Variants in GRK4 observed in about 807,000 individuals in gnomAD.
GRK4 encodes the protein G protein-coupled receptor kinase 2-like.
GRK4 carries 73 observed loss-of-function variants against 77.9 expected under a neutral mutation model. The observed-to-expected ratio is 0.94, with a 90% CI of 0.78 to 1.14. GRK4 has a LOEUF of 1.14. Ranked by LOEUF, GRK4 falls within the 50% of genes most tolerant of loss-of-function variation. The probability of loss-of-function intolerance (pLI) is 0.00; values close to 1 mark genes in which losing one functional copy is unlikely to be tolerated. For synonymous variants in GRK4, 257 were observed against 254.4 expected, an observed-to-expected ratio of 1.01 and a Z score of -0.10; for missense variants, 729 against 700.2, an observed-to-expected ratio of 1.04 and a Z score of -0.46.
At chr4:3,031,130 A>T (rs1444610036) in intron 12 of GRK4, among the ~76,000 whole-genome samples, 1 of 152,076 alleles carries the variant, frequency 6.6e-6, no homozygotes, top group East Asian at 1.9e-4. Context: ...GCTGGAGCCA[A>T]GTCCTTGCAG....
At chr4:3,026,116 G>A (rs1008403894) in intron 10 of GRK4, among the ~76,000 whole-genome samples, 1 of 152,282 alleles carries the variant, frequency 6.6e-6, no homozygotes, top group South Asian at 2.1e-4. Flanking sequence ...TTCCTATTTC[G>A]TTGAATGTAT....
chr4:3,029,520 T>C (rs1738545606), intron 12 of GRK4, 111 bp downstream of exon 12: 1 of 840,494 alleles, frequency 1.2e-6, no homozygotes, highest in Non-Finnish European at 1.9e-6. Flanking sequence ...CAAGTCCTGG[T>C]CACCCACCTC....
intron 2 of GRK4, among the ~76,000 whole-genome samples, chr4:2,985,164 G>T (rs971742426): frequency 4.0e-5 from 6 of 151,598 alleles, no homozygotes; most frequent in African/African-American, 1.5e-4. Flanking sequence ...TGTAATCCCG[G>T]CACTTTGGGA....
chr4:3,019,332 G>A (rs1273803826), intron 8 of GRK4, among the ~76,000 whole-genome samples: 2 of 152,174 alleles, frequency 1.3e-5, no homozygotes, highest in African/African-American at 4.8e-5. Flanking sequence ...AGTACAGAAT[G>A]TCAGGGCTCA....
chr4:3,030,261 C>T (rs941281917), intron 12 of GRK4, among the ~76,000 whole-genome samples: 7 of 152,118 alleles, frequency 4.6e-5, no homozygotes, highest in Admixed American at 2.0e-4. Context: ...GAGCCCCAAG[C>T]GGTGGAGACC....
intron 8 of GRK4, among the ~76,000 whole-genome samples, chr4:3,014,331 C>A (rs1249540462): frequency 2.9e-5 from 4 of 137,386 alleles, no homozygotes; most frequent in African/African-American, 1.1e-4. Flanking sequence ...GGGTTTCGCT[C>A]TGTTGTCCAG....
intron 12 of GRK4, among the ~76,000 whole-genome samples, chr4:3,031,847 C>T (rs940245265): frequency 6.6e-6 from 1 of 152,156 alleles, no homozygotes; most frequent in Non-Finnish European, 1.5e-5. Context: ...ACCAAGCAGC[C>T]AGGCATAGGC....
At chr4:3,013,582 T>C (rs919108670) in intron 7 of GRK4, 106 bp from the exon 8 acceptor site, 17 of 1,356,128 alleles carry the variant, frequency 1.3e-5, no homozygotes, top group Non-Finnish European at 1.0e-6. Flanking sequence ...CATGCACTGC[T>C]GCTGGTCTCT....
chr4:2,973,137 T>C (rs535440126), intron 1 of GRK4, among the ~76,000 whole-genome samples: 28 of 152,326 alleles, frequency 1.8e-4, no homozygotes, highest in African/African-American at 3.1e-4. Flanking sequence ...ATCCCAGGCA[T>C]CAGTTCTTGG....
chr4:2,989,011 G>A (rs921582860), intron 3 of GRK4, among the ~76,000 whole-genome samples, 172 bp downstream of exon 3: 4 of 152,052 alleles, frequency 2.6e-5, no homozygotes, highest in African/African-American at 4.8e-5. Flanking sequence ...AGTGAAACCC[G>A]TCTCTACTAA....
At chr4:3,020,652 C>T (rs1735799079) in intron 9 of GRK4, among the ~76,000 whole-genome samples, 1 of 152,164 alleles carries the variant, frequency 6.6e-6, no homozygotes, top group Non-Finnish European at 1.5e-5. Context: ...CTCAGTCACT[C>T]TCCCTGGGTA....
At chr4:3,024,324 C>T (rs1736841904) in intron 10 of GRK4, among the ~76,000 whole-genome samples, 1 of 152,100 alleles carries the variant, frequency 6.6e-6, no homozygotes, top group Non-Finnish European at 1.5e-5. Flanking sequence ...CTCACAGGTG[C>T]GATTGTGGCA....
At chr4:3,001,145 A>G (rs1429022776) in intron 4 of GRK4, among the ~76,000 whole-genome samples, 5 of 139,610 alleles carry the variant, frequency 3.6e-5, no homozygotes, top group Non-Finnish European at 4.6e-5. Flanking sequence ...ATATATAGGT[A>G]TATATGTGTA....
At chr4:3,013,657 T>G in intron 7 of GRK4, 31 bp from the exon 8 acceptor site, 1 of 1,587,162 alleles carries the variant, frequency 6.3e-7, no homozygotes, top group Non-Finnish European at 8.5e-7. Flanking sequence ...CAGGTGGACA[T>G]AAACCTCCTT....
chr4:2,999,032 T>C (rs1010944589), intron 4 of GRK4, among the ~76,000 whole-genome samples: 4 of 152,204 alleles, frequency 2.6e-5, no homozygotes, highest in African/African-American at 4.8e-5. Context: ...CAGTCAATGG[T>C]ATGGAATCGA....
chr4:3,019,562 G>T, intron 8 of GRK4, 79 bp from the exon 9 acceptor site: 1 of 1,141,978 alleles, frequency 8.8e-7, no homozygotes, highest in Non-Finnish European at 1.3e-6. Flanking sequence ...CAGATTATTT[G>T]CATATTATTA....
chr4:2,976,874 G>T (rs1418360339), intron 1 of GRK4, among the ~76,000 whole-genome samples: 1 of 152,092 alleles, frequency 6.6e-6, no homozygotes, highest in African/African-American at 2.4e-5. Flanking sequence ...GCCGACCTCA[G>T]GTGATCTGTC....
intron 5 of GRK4, among the ~76,000 whole-genome samples, chr4:3,007,177 G>C (rs953037252): frequency 4.6e-5 from 7 of 152,140 alleles, no homozygotes; most frequent in Admixed American, 2.0e-4. Flanking sequence ...ACTCCAGCCT[G>C]GGCAATAGAG....
chr4:3,040,572 G>A lies in GRK4; in HGVS notation c.1684G>A (p.Gly562Ser), dbSNP rs771934360. ...GFFYRLFRRG[G>S]CLTMVPSEKE... is the part of the protein sequence containing the mutation. ...CTGAGGCCGCCGCTGTGTGTTGTAG[G>A]GCTGCCTGACCATGGTCCCCAGTGA... Residue 562 changes from glycine (G) to serine (S), a missense_variant and splice_region_variant, in exon 16 of 16, where the codon GGC becomes AGC. Physicochemically the swap from Gly to Ser is moderately conservative, Grantham distance 56 (BLOSUM62 0). Transcript: ENST00000398052. 2 of 1,608,946 alleles carry A rather than the reference G, an allele frequency of 1.2e-6. No homozygotes were observed. The highest frequency in any genetic ancestry group is 8.5e-7 in the Non-Finnish European group (1 of 1,177,994).
Sources: gnomAD v4.1 joint callset for allele counts (sites outside exome capture counted in the v4.1 genomes callset) on GRCh38, gnomAD v4.1.1 for gene constraint, MANE v1.5 for transcripts, NCBI Gene and HGNC (gene_info 2026-07-23, HGNC 2026-07-21) for gene names.